Variants in CRISPLD2 observed in about 807,000 individuals in gnomAD.
CRISPLD2 encodes the protein cysteine-rich secretory protein LCCL domain-containing 2.
In CRISPLD2, 47 loss-of-function variants were observed where a neutral mutation model predicts 71.1. The observed-to-expected ratio is 0.66, with a 90% confidence interval of 0.52 to 0.84. CRISPLD2 has a LOEUF of 0.84. Among genes scored for constraint, CRISPLD2 ranks in the 40% least tolerant of loss-of-function variants. CRISPLD2 has a pLI of 0.00. For synonymous variants in CRISPLD2, 317 were observed against 250.1 expected (o/e 1.27, Z -2.52); for missense variants, 830 against 651.1 (o/e 1.27, Z -2.99).
chr16:84,901,598 A>C (rs998283091), intron 14 of CRISPLD2, among the ~76,000 whole-genome samples: 1 of 149,254 alleles, frequency 6.7e-6, no homozygotes, highest in Non-Finnish European at 1.5e-5. Context: ...CAGCCTCCCG[A>C]GTAGCTGGGA....
intron 6 of CRISPLD2, among the ~76,000 whole-genome samples, chr16:84,860,857 CA>C (rs1917360286): frequency 6.6e-6 from 1 of 152,172 alleles, no homozygotes; most frequent in African/African-American, 2.4e-5. Context: ...TCTTTCTCTA[CA>C]GGAGATAAGA....
In CRISPLD2 at chr16:84,882,370, A is replaced by AG. The variant is rs1188655609; in HGVS notation, c.1305+1786_1305+1787insG. On this transcript the variant is annotated intron_variant, in intron 13 of 14. Coordinates refer to ENST00000262424, the MANE Select transcript of CRISPLD2 (RefSeq NM_031476.4). ...AGCAAAAAAAAAAAAAAAAAAAAAAAAGCAAGAACTTAATGGATATTTGCA... is the reference window on the plus strand; with the variant it reads ...AGCAAAAAAAAAAAAAAAAAAAAAAAGAGCAAGAACTTAATGGATATTTGCA... Among the ~76,000 whole-genome samples the AG allele has an allele frequency of 8.8e-3, 1,167 of 132,140 alleles. 12 individuals carry two copies. Among genetic ancestry groups the AG allele is most frequent in the African/African-American group, 0.033 (1,061 of 32,560 alleles). 86.7% of individuals were successfully genotyped at this position (132,140 alleles called of 152,430 possible). A position where few individuals can be genotyped will look rare whatever the true frequency, so the allele number is the denominator to read the frequency against.
intron 4 of CRISPLD2, among the ~76,000 whole-genome samples, chr16:84,849,837 C>T (rs887755899): frequency 6.6e-6 from 1 of 151,716 alleles, no homozygotes; most frequent in Non-Finnish European, 1.5e-5. Flanking sequence ...CCCACCTCAG[C>T]CTCCTGAGTA....
chr16:84,849,671 G>C (rs1270708627), intron 4 of CRISPLD2, among the ~76,000 whole-genome samples, 154 bp downstream of exon 4: 1 of 152,106 alleles, frequency 6.6e-6, no homozygotes. Flanking sequence ...GCTGGGAGAA[G>C]AAGCTGTTTG....
chr16:84,852,296 C>T (rs374650392), intron 5 of CRISPLD2, among the ~76,000 whole-genome samples: 3 of 152,204 alleles, frequency 2.0e-5, no homozygotes, highest in African/African-American at 7.2e-5. Flanking sequence ...GCCCTCTACC[C>T]GTGTAACTAC....
At chr16:84,831,594 C>G (rs2143151559) in intron 1 of CRISPLD2, among the ~76,000 whole-genome samples, 1 of 151,664 alleles carries the variant, frequency 6.6e-6, no homozygotes, top group South Asian at 2.1e-4. Flanking sequence ...TTAGTAGAGA[C>G]AGGAGCTCAC....
chr16:84,833,219 T>C (rs942835127), intron 1 of CRISPLD2, among the ~76,000 whole-genome samples: 1 of 152,164 alleles, frequency 6.6e-6, no homozygotes, highest in Non-Finnish European at 1.5e-5. Flanking sequence ...GTCGCTTTGA[T>C]TCGCCAGCTG....
intron 14 of CRISPLD2, among the ~76,000 whole-genome samples, chr16:84,895,075 C>T (rs2143365245): frequency 6.6e-6 from 1 of 152,128 alleles, no homozygotes; most frequent in East Asian, 1.9e-4. Flanking sequence ...TCCCCTCCTC[C>T]ACTCGTATTC....
At chr16:84,881,238 G>A (rs570209740) in intron 13 of CRISPLD2, among the ~76,000 whole-genome samples, 1 of 152,116 alleles carries the variant, frequency 6.6e-6, no homozygotes, top group Non-Finnish European at 1.5e-5. Flanking sequence ...ACTGGTCCAC[G>A]CACTGTATTT....
At chr16:84,889,555 G>T (rs2071643089) in intron 14 of CRISPLD2, among the ~76,000 whole-genome samples, 192 bp downstream of exon 14, 1 of 150,484 alleles carries the variant, frequency 6.6e-6, no homozygotes, top group East Asian at 2.0e-4. Flanking sequence ...ACTAGGGAAT[G>T]CTTTTCCCTA....
intron 14 of CRISPLD2, among the ~76,000 whole-genome samples, chr16:84,902,915 G>GGT (rs201657472): frequency 0.013 from 2,022 of 151,278 alleles, 48 homozygotes; most frequent in African/African-American, 0.047. Flanking sequence ...TGGGATTACT[G>GGT]GTGCCTGCCA....
chr16:84,885,811 TC>T (rs1464674444), intron 13 of CRISPLD2, among the ~76,000 whole-genome samples: 9 of 145,626 alleles, frequency 6.2e-5, no homozygotes, highest in Admixed American at 1.4e-4. Flanking sequence ...TTGGATCCCT[TC>T]TTTTTTTTTT....
Position 84,877,419 on chromosome 16 carries a change from C to G in CRISPLD2, c.1157-19C>G, listed in dbSNP as rs1243509878. The G allele has an allele frequency of 6.2e-7, 1 of 1,612,898 alleles. No individual in the cohort carries two copies. The highest frequency in any genetic ancestry group is 2.2e-5 in the East Asian group (1 of 44,848). ...GGCGTGCTGGGACCTGACCCTTTCC[C>G]CCTTGCTCCTGTTCACAGTGCAGGA... On this transcript the variant is annotated intron_variant, in intron 11 of 14. Transcript: ENST00000262424.
chr16:84,867,276 C>G (rs1305358844), intron 7 of CRISPLD2, among the ~76,000 whole-genome samples: 1 of 152,188 alleles, frequency 6.6e-6, no homozygotes, highest in African/African-American at 2.4e-5. Flanking sequence ...TTTCCCCACA[C>G]CCAGGCAGGT....
At position 84,846,604 on chromosome 16, in the gene CRISPLD2, G is replaced by A. The variant is rs368229411; in HGVS notation, c.359+700G>A. ...TCCTGTGCAGGGTTCTTGAGTCCCC[G>A]TTCCTGTGGGGTGAACTGCTCTGTT... is the stretch of plus-strand genomic sequence containing the variant. On this transcript the variant is annotated intron_variant, in intron 3 of 14. Coordinates refer to ENST00000262424, the MANE Select transcript of CRISPLD2 (RefSeq NM_031476.4). Among the ~76,000 whole-genome samples the A allele has an allele frequency of 5.6e-4, 85 of 152,082 alleles. 2 individuals carry two copies. Among genetic ancestry groups the A allele is most frequent in the Non-Finnish European group, 5.9e-5 (4 of 68,022 alleles).
intron 6 of CRISPLD2, among the ~76,000 whole-genome samples, chr16:84,860,812 A>G (rs1427865586): frequency 6.6e-6 from 1 of 152,206 alleles, no homozygotes; most frequent in Non-Finnish European, 1.5e-5. Flanking sequence ...CACTTGCATG[A>G]GAAGAGCTTG....
intron 11 of CRISPLD2, among the ~76,000 whole-genome samples, chr16:84,877,176 A>G (rs1378006189): frequency 6.6e-6 from 1 of 152,238 alleles, no homozygotes; most frequent in Non-Finnish European, 1.5e-5. Context: ...ATTCAGATGA[A>G]AAGCACCATC....
At chr16:84,861,300 T>A (rs1322495424) in intron 6 of CRISPLD2, among the ~76,000 whole-genome samples, 1 of 152,142 alleles carries the variant, frequency 6.6e-6, no homozygotes, top group Non-Finnish European at 1.5e-5. Flanking sequence ...TCGTCGGGGT[T>A]CTCTAGAGCA....
chr16:84,865,947 CGGATAGTT>C (rs1917523474), intron 6 of CRISPLD2, among the ~76,000 whole-genome samples: 1 of 152,154 alleles, frequency 6.6e-6, no homozygotes, highest in South Asian at 2.1e-4. Flanking sequence ...ATTGTTCTTT[CGGATAGTT>C]GGATAGTTCT....
Sources: gnomAD v4.1 joint callset for allele counts (sites outside exome capture counted in the v4.1 genomes callset) on GRCh38, gnomAD v4.1.1 for gene constraint, MANE v1.5 for transcripts, NCBI Gene and HGNC (gene_info 2026-07-23, HGNC 2026-07-21) for gene names.